The following ATP7A variants were observed in gnomAD, a reference collection of about 807,000 sequenced individuals.
The protein encoded by ATP7A is copper-transporting ATPase 1.
ATP7A carries 7 observed loss-of-function variants against 83.5 expected under a neutral mutation model. The ratio of observed to expected loss-of-function variants is 0.08; its 90% CI spans 0.05 to 0.16. The LOEUF (loss-of-function observed/expected upper bound fraction) is 0.16, where lower values mean the gene tolerates loss of function less well. Ranked by LOEUF, ATP7A falls within the 10% of genes least tolerant of loss-of-function variation. ATP7A has a pLI of 1.00. For synonymous variants in ATP7A, 354 were observed against 395.2 expected, an observed-to-expected ratio of 0.90 and a Z score of 1.24; for missense variants, 940 against 1,120.8, an observed-to-expected ratio of 0.84 and a Z score of 2.30.
At chrX:77,957,164 G>A (rs2077449807) in intron 1 of ATP7A, among the ~76,000 whole-genome samples, 1 of 111,097 alleles carries the variant, frequency 9.0e-6, no homozygotes, top group African/African-American at 3.3e-5. Context: ...TTTTTCATGT[G>A]CTTGTTGGGT....
At chrX:78,005,680 T>A (rs2149091532) in intron 6 of ATP7A, among the ~76,000 whole-genome samples, 1 of 25,502 alleles carries the variant, frequency 3.9e-5, no homozygotes, top group Non-Finnish European at 6.5e-5. Context: ...TGAAACTCCA[T>A]CTCAAAAAAA....
rs1557239657 is a variant in ATP7A, at chrX:78,049,912, G to C, written c.*3342G>C. ...CTCTGGGTGAGGCATCTGGTTACTG[G>C]TTATTTTAAAAAGAATAAAGACATT... On this transcript the variant is annotated 3_prime_UTR_variant, in exon 23 of 23. Coordinates refer to ENST00000341514, the MANE Select transcript of ATP7A (RefSeq NM_000052.7). 1 of 111,493 alleles carries C rather than the reference G, an allele frequency of 9.0e-6. No homozygotes were observed. The highest frequency in any genetic ancestry group is 3.3e-5 in the African/African-American group (1 of 30,634). 9.2% of individuals were successfully genotyped at this position (111,493 alleles called of 1,213,427 possible).
intron 2 of ATP7A, among the ~76,000 whole-genome samples, chrX:77,987,444 T>TTGTGTGTGTGTG (rs3986431): frequency 1.5e-4 from 13 of 85,864 alleles, no homozygotes; most frequent in African/African-American, 5.3e-4. Flanking sequence ...AACCCAGTAT[T>TTGTGTGTGTGTG]TGTGTGTGTG....
intron 18 of ATP7A, among the ~76,000 whole-genome samples, chrX:78,039,218 TA>T (rs1454754529): frequency 1.8e-5 from 2 of 112,376 alleles, no homozygotes; most frequent in African/African-American, 6.5e-5. Context: ...AAGGATTTTT[TA>T]AAACCTAAAA....
At chrX:77,997,399 G>A (rs1353735043) in intron 4 of ATP7A, among the ~76,000 whole-genome samples, 3 of 111,990 alleles carry the variant, frequency 2.7e-5, no homozygotes, top group African/African-American at 9.7e-5. Context: ...ATTCTGTAGG[G>A]AAGTGGTCAG....
intron 2 of ATP7A, among the ~76,000 whole-genome samples, chrX:77,979,430 G>C (rs1176540742): frequency 2.7e-5 from 3 of 111,701 alleles, no homozygotes; most frequent in Non-Finnish European, 5.6e-5. Flanking sequence ...TAATACCTGG[G>C]TGACAGAATA....
intron 1 of ATP7A, among the ~76,000 whole-genome samples, chrX:77,952,715 A>G (rs2077419605): frequency 9.0e-6 from 1 of 111,541 alleles, no homozygotes; most frequent in Admixed American, 9.6e-5. Context: ...CAGCCTCACC[A>G]AACTTTTATT....
intron 4 of ATP7A, among the ~76,000 whole-genome samples, chrX:77,998,243 A>AT (rs1186299372): frequency 8.9e-6 from 1 of 111,740 alleles, no homozygotes; most frequent in African/African-American, 3.3e-5. Flanking sequence ...GAAGAAAAAA[A>AT]GTTTTGTTTA....
chrX:77,957,530 A>G (rs185139457), intron 1 of ATP7A, among the ~76,000 whole-genome samples: 85 of 109,788 alleles, frequency 7.7e-4, no homozygotes, highest in African/African-American at 1.7e-3. Flanking sequence ...TATTCTGGAT[A>G]TTAACCCCTT....
intron 1 of ATP7A, among the ~76,000 whole-genome samples, chrX:77,915,160 C>T (rs1007134195): frequency 3.6e-5 from 4 of 110,884 alleles, no homozygotes; most frequent in East Asian, 2.8e-4. Flanking sequence ...ACAAAAAATA[C>T]AAAAATTAGC....
intron 1 of ATP7A, among the ~76,000 whole-genome samples, chrX:77,920,507 G>A (rs782380267): frequency 3.7e-4 from 41 of 111,072 alleles, no homozygotes; most frequent in South Asian, 7.6e-4. Context: ...GTGAGCCACC[G>A]CGCCCGGCTG....
chrX:78,023,772 C>A (rs1435464733), intron 14 of ATP7A, among the ~76,000 whole-genome samples: 11 of 111,584 alleles, frequency 9.9e-5, no homozygotes, highest in Non-Finnish European at 1.9e-5. Flanking sequence ...TTGATTGTTT[C>A]TTTTGTTGTG....
intron 2 of ATP7A, among the ~76,000 whole-genome samples, chrX:77,985,395 G>T (rs1416086503): frequency 9.5e-6 from 1 of 105,718 alleles, no homozygotes; most frequent in African/African-American, 3.5e-5. Context: ...TTTGGGGGGG[G>T]TGGGTGCGGG....
chrX:78,042,488 A>G (rs1209492132), intron 19 of ATP7A, 97 bp from the exon 20 acceptor site: 1 of 864,194 alleles, frequency 1.2e-6, no homozygotes, highest in African/African-American at 2.0e-5. Context: ...TAAAATGTGG[A>G]CATCTTGTGG....
intron 4 of ATP7A, among the ~76,000 whole-genome samples, chrX:77,995,054 C>G (rs1217657229): frequency 1.8e-5 from 2 of 111,334 alleles, no homozygotes; most frequent in African/African-American, 6.5e-5. Flanking sequence ...ACTACAGTGA[C>G]CCATATTATC....
At position 77,989,851 on chromosome X, in the gene ATP7A, T is replaced by C; in HGVS notation, c.1229T>C (p.Val410Ala). ...SKKPGVKSIR[V>A]SLANSNGTVE... ...AAGCCAGGTGTAAAATCCATACGAG[T>C]CTCCCTTGCAAATAGCAATGGGACT... The change falls in exon 4 of 23, where the codon GTC becomes GCC. Residue 410 changes from valine (V) to alanine (A), a missense_variant. Physicochemically the swap from Val to Ala is moderately conservative, Grantham distance 64. Transcript: ENST00000341514. The C allele has an allele frequency of 8.3e-7, 1 of 1,210,061 alleles. No homozygotes were observed. The highest frequency in any genetic ancestry group is 1.8e-5 in the South Asian group (1 of 56,782).
rs782635983 is a variant in ATP7A, at chrX:77,958,068, GT to G, written c.-21-13550del. Among the ~76,000 whole-genome samples the G allele has an allele frequency of 3.6e-5, 4 of 110,176 alleles. No homozygotes were observed. The South Asian group carries it at 1.6e-3, about 43-fold the overall frequency. Reference sequence around the variant, plus strand: ...CAAGATATGGTGGGGGGTTTTTTTTGTTTGTTTTTGTTTGTTTGTTAGTTTG... The same window carrying G: ...CAAGATATGGTGGGGGGTTTTTTTTGTTGTTTTTGTTTGTTTGTTAGTTTG... On this transcript the variant is annotated intron_variant, in intron 1 of 22. Transcript: ENST00000341514.
At chrX:78,022,487 A>ATGTTTGTTTGTT (rs200949792) in intron 14 of ATP7A, among the ~76,000 whole-genome samples, 5 of 82,954 alleles carry the variant, frequency 6.0e-5, no homozygotes, top group African/African-American at 2.1e-4. Context: ...GTACATGTGC[A>ATGTTTGTTTGTT]TGTTTGTTTG....
At chrX:78,012,791 A>G in intron 9 of ATP7A, 88 bp from the exon 10 acceptor site, 2 of 838,618 alleles carry the variant, frequency 2.4e-6, no homozygotes, top group Admixed American at 2.2e-5. Context: ...AGCCAAAGAA[A>G]GTGACTATTG....
Sources: gnomAD v4.1 joint callset for allele counts (sites outside exome capture counted in the v4.1 genomes callset) on GRCh38, gnomAD v4.1.1 for gene constraint, MANE v1.5 for transcripts, NCBI Gene and HGNC (gene_info 2026-07-23, HGNC 2026-07-21) for gene names.